STEAP1B: variants seen among roughly 807,000 people sequenced by gnomAD.
STEAP1B encodes STEAP family member 1B.
In STEAP1B, 13 loss-of-function variants were observed where a neutral mutation model predicts 27.9. That is an observed-to-expected ratio of 0.47 (90% CI 0.30 to 0.74). STEAP1B has a LOEUF of 0.74. STEAP1B is among the 30% of genes least tolerant of loss of function. The probability of loss-of-function intolerance (pLI) is 0.06; values close to 1 mark genes in which losing one functional copy is unlikely to be tolerated. For synonymous variants in STEAP1B, 86 were observed against 107.1 expected (o/e 0.80, Z 1.22); for missense variants, 250 against 298.7 (o/e 0.84, Z 1.20).
At chr7:22,442,800 T>A (rs1029384428) in intron 4 of STEAP1B, among the ~76,000 whole-genome samples, 1 of 152,072 alleles carries the variant, frequency 6.6e-6, no homozygotes, top group Non-Finnish European at 1.5e-5. Flanking sequence ...GTTGCCGCCA[T>A]GACAATGAGG....
At position 22,451,298 on chromosome 7, in the gene STEAP1B, GTT is replaced by G. The variant is rs34597466; in HGVS notation, c.763-31464_763-31463del. ...TTTACTGAATTTATCAGTTTTAATA[GTT>G]TTTTTTTTGTGAAGTCTTTAGGTTT... On this transcript the variant is annotated intron_variant, in intron 4 of 4. Coordinates refer to ENST00000678116, the MANE Select transcript of STEAP1B (RefSeq NM_001382447.1). Among the ~76,000 whole-genome samples, 4 of 151,026 alleles carry G rather than the reference GTT, an allele frequency of 2.6e-5. No individual in the cohort carries two copies. The South Asian group carries it at 6.2e-4, about 24-fold the overall frequency.
chr7:22,470,289 T>C (rs1785858972), intron 4 of STEAP1B, among the ~76,000 whole-genome samples: 1 of 152,114 alleles, frequency 6.6e-6, no homozygotes, highest in African/African-American at 2.4e-5. Flanking sequence ...CCTGAAAGCA[T>C]CCCCAAAGGC....
At chr7:22,467,184 G>A (rs1011063886) in intron 4 of STEAP1B, among the ~76,000 whole-genome samples, 1 of 152,130 alleles carries the variant, frequency 6.6e-6, no homozygotes, top group Non-Finnish European at 1.5e-5. Flanking sequence ...TATTTAAAAG[G>A]ATAATGACCC....
intron 4 of STEAP1B, among the ~76,000 whole-genome samples, chr7:22,488,788 T>C (rs1324023160): frequency 6.6e-6 from 1 of 152,180 alleles, no homozygotes; most frequent in Non-Finnish European, 1.5e-5. Flanking sequence ...GCACAGACCT[T>C]GTCCCTTACA....
At chr7:22,428,169 C>G (rs747306909) in intron 4 of STEAP1B, among the ~76,000 whole-genome samples, 1 of 152,204 alleles carries the variant, frequency 6.6e-6, no homozygotes, top group Admixed American at 6.5e-5. Context: ...CCTGAGAGAG[C>G]TGTCAGCCAC....
At chr7:22,476,981 G>C (rs1785984161) in intron 4 of STEAP1B, among the ~76,000 whole-genome samples, 1 of 152,188 alleles carries the variant, frequency 6.6e-6, no homozygotes, top group Non-Finnish European at 1.5e-5. Context: ...ACAGTTCCTT[G>C]CTATGTGGCC....
Position 22,493,353 on chromosome 7 carries a change from A to G in STEAP1B, c.568T>C (p.Tyr190His). The G allele has an allele frequency of 3.1e-6, 5 of 1,613,706 alleles. No homozygotes were observed. Among genetic ancestry groups the G allele is most frequent in the Non-Finnish European group, 4.2e-6 (5 of 1,179,616 alleles). The change falls in exon 3 of 5, where the codon TAC (tyrosine) becomes CAC (histidine). Residue 190 changes from tyrosine to histidine, a missense_variant. By Grantham distance (83) the Tyr-to-His change is moderately conservative. Transcript: ENST00000678116. ...TGATATGCCCAGTTTAGCAACTTGT[A>G]TCTGTAGGATCGCCTCATTGCGTAA... ...LSYAMRRSYR[Y>H]KLLNWAYQQV...
At chr7:22,465,501 G>A (rs1213071343) in intron 4 of STEAP1B, among the ~76,000 whole-genome samples, 1 of 152,118 alleles carries the variant, frequency 6.6e-6, no homozygotes, top group Non-Finnish European at 1.5e-5. Flanking sequence ...TCTAGGTCTA[G>A]GTAATTCTTC....
chr7:22,475,209 G>A (rs565844406), intron 4 of STEAP1B, among the ~76,000 whole-genome samples: 86 of 152,254 alleles, frequency 5.6e-4, no homozygotes, highest in Admixed American at 1.4e-3. Flanking sequence ...TGCTCCTAAC[G>A]GGCACCTGGC....
intron 4 of STEAP1B, among the ~76,000 whole-genome samples, chr7:22,436,768 C>T (rs537023357): frequency 2.0e-5 from 3 of 152,290 alleles, no homozygotes; most frequent in Non-Finnish European, 2.9e-5. Context: ...TGTATACGTA[C>T]CACATTTTCT....
chr7:22,436,951 G>T (rs138269882), intron 4 of STEAP1B, among the ~76,000 whole-genome samples: 174 of 152,246 alleles, frequency 1.1e-3, no homozygotes, highest in African/African-American at 4.1e-3. Flanking sequence ...CTGGGGCAAA[G>T]ATTTCATGAT....
intron 4 of STEAP1B, among the ~76,000 whole-genome samples, chr7:22,442,453 T>C (rs1434605923): frequency 6.6e-6 from 1 of 152,276 alleles, no homozygotes; most frequent in Non-Finnish European, 1.5e-5. Context: ...GTTGTGTACC[T>C]GTCCTATTAG....
chr7:22,430,738 A>G (rs1177439616), intron 4 of STEAP1B, among the ~76,000 whole-genome samples: 1 of 152,224 alleles, frequency 6.6e-6, no homozygotes, highest in African/African-American at 2.4e-5. Flanking sequence ...TGCTTAAAGA[A>G]TGTGATTACC....
chr7:22,439,752 C>T (rs1785304068), intron 4 of STEAP1B, among the ~76,000 whole-genome samples: 2 of 152,098 alleles, frequency 1.3e-5, no homozygotes, highest in Admixed American at 6.6e-5. Flanking sequence ...GAAATAGAAA[C>T]TATCATCATC....
chr7:22,441,207 C>G lies in STEAP1B; in HGVS notation c.763-21371G>C, dbSNP rs113652326. ...TTTGTATTATTTTAGTATTCCCTTC[C>G]TATCTCAAGTGTCCCAGGTTGGATA... is the stretch of plus-strand genomic sequence containing the variant. On this transcript the variant is annotated intron_variant, in intron 4 of 4. Coordinates refer to ENST00000678116, the MANE Select transcript of STEAP1B (RefSeq NM_001382447.1). Among the ~76,000 whole-genome samples the G allele has an allele frequency of 2.6e-5, 4 of 152,108 alleles. No homozygotes were observed. In the East Asian group the frequency reaches 7.7e-4, roughly 29 times the overall value.
At chr7:22,464,937 G>A (rs1393271758) in intron 4 of STEAP1B, among the ~76,000 whole-genome samples, 22 of 11,508 alleles carry the variant, frequency 1.9e-3, no homozygotes, top group Admixed American at 7.8e-3. Flanking sequence ...ACCACAGACA[G>A]TACCAAACCC....
intron 4 of STEAP1B, among the ~76,000 whole-genome samples, chr7:22,447,480 T>C (rs984460871): frequency 2.6e-5 from 4 of 152,236 alleles, no homozygotes; most frequent in African/African-American, 7.2e-5. Context: ...ATATAATACA[T>C]AGTAGTTCTA....
At chr7:22,492,451 G>A (rs1429271999) in intron 4 of STEAP1B, 114 bp downstream of exon 4, 1 of 1,379,624 alleles carries the variant, frequency 7.2e-7, no homozygotes, top group African/African-American at 1.5e-5. Flanking sequence ...ACAAGTACAA[G>A]ATCTTTGCTG....
chr7:22,483,381 G>A (rs956044437), intron 4 of STEAP1B, among the ~76,000 whole-genome samples: 3 of 152,190 alleles, frequency 2.0e-5, no homozygotes, highest in Admixed American at 6.5e-5. Flanking sequence ...AACAGGAAAC[G>A]TGGAAGTTGC....
Sources: allele counts gnomAD v4.1 joint callset (sites outside exome capture counted in the v4.1 genomes callset), GRCh38; gene constraint gnomAD v4.1.1; transcripts MANE v1.5; gene names NCBI Gene and HGNC (gene_info 2026-07-23, HGNC 2026-07-21).